The following DIP2B variants were observed in gnomAD, a reference collection of about 807,000 sequenced individuals.
DIP2B encodes the protein disco-interacting protein 2 homolog B.
DIP2B carries 76 observed loss-of-function variants against 198.0 expected under a neutral mutation model. The ratio of observed to expected loss-of-function variants is 0.38; its 90% CI spans 0.32 to 0.46. DIP2B has a LOEUF of 0.46. Ranked by LOEUF, DIP2B falls within the 20% of genes least tolerant of loss-of-function variation. The pLI is 0.99. For missense variants in DIP2B, 1,559 were observed against 1,978.4 expected (o/e 0.79, Z 4.02); for synonymous variants, 701 against 739.1 (o/e 0.95, Z 0.84).
chr12:50,505,328 C>G (rs1957957475), intron 1 of DIP2B, 88 bp downstream of exon 1: 1 of 1,141,272 alleles, frequency 8.8e-7, no homozygotes, highest in Non-Finnish European at 1.2e-6. Flanking sequence ...CTCTGGCGGC[C>G]GTGCGGCGAG....
At chr12:50,626,209 G>A (rs1455817438) in intron 2 of DIP2B, among the ~76,000 whole-genome samples, 162 bp downstream of exon 2, 1 of 152,210 alleles carries the variant, frequency 6.6e-6, no homozygotes, top group Non-Finnish European at 1.5e-5. Flanking sequence ...ATCTTAATGA[G>A]CATCTGCTGT....
At chr12:50,723,093 C>T (rs1341851455) in intron 26 of DIP2B, 109 bp from the exon 27 acceptor site, 1 of 1,384,856 alleles carries the variant, frequency 7.2e-7, no homozygotes, top group South Asian at 1.4e-5. Context: ...TTATGGTCTA[C>T]AGAACCTGTC....
At chr12:50,669,797 T>G (rs933119247) in intron 4 of DIP2B, among the ~76,000 whole-genome samples, 1 of 152,206 alleles carries the variant, frequency 6.6e-6, no homozygotes, top group African/African-American at 2.4e-5. Context: ...CTTTTGTGGT[T>G]CAGGTTCCCA....
At chr12:50,663,909 G>A (rs1938701451) in intron 4 of DIP2B, among the ~76,000 whole-genome samples, 1 of 138,968 alleles carries the variant, frequency 7.2e-6, no homozygotes, top group Non-Finnish European at 1.6e-5. Context: ...ACAAAAAGTT[G>A]TACCACTCTT....
intron 1 of DIP2B, among the ~76,000 whole-genome samples, chr12:50,522,049 G>C (rs1202116876): frequency 6.6e-6 from 1 of 151,490 alleles, no homozygotes; most frequent in East Asian, 1.9e-4. Context: ...CACCCAGACT[G>C]GAGTGCAGTG....
At chr12:50,712,965 A>T (rs141203552) in intron 22 of DIP2B, among the ~76,000 whole-genome samples, 2 of 152,198 alleles carry the variant, frequency 1.3e-5, no homozygotes, top group African/African-American at 4.8e-5. Context: ...TCAAGTATTA[A>T]ATTTTAATAG....
intron 17 of DIP2B, 26 bp downstream of exon 17, chr12:50,697,201 T>C (rs978000774): frequency 3.8e-6 from 6 of 1,594,050 alleles, no homozygotes; most frequent in Non-Finnish European, 5.2e-6. Context: ...TCAGATGCTC[T>C]TGATGTATGT....
chr12:50,561,281 G>A (rs916776036), intron 1 of DIP2B, among the ~76,000 whole-genome samples: 1 of 152,170 alleles, frequency 6.6e-6, no homozygotes, highest in African/African-American at 2.4e-5. Flanking sequence ...AAAGCTGAGT[G>A]TATTTATATA....
At chr12:50,578,719 AG>A (rs1958686948) in intron 1 of DIP2B, among the ~76,000 whole-genome samples, 1 of 151,516 alleles carries the variant, frequency 6.6e-6, no homozygotes, top group African/African-American at 2.4e-5. Flanking sequence ...CGTGTTAGCC[AG>A]GATGGTCTCG....
At chr12:50,692,781 G>A (rs1379403423) in intron 13 of DIP2B, among the ~76,000 whole-genome samples, 168 bp from the exon 14 acceptor site, 1 of 152,124 alleles carries the variant, frequency 6.6e-6, no homozygotes, top group Non-Finnish European at 1.5e-5. Flanking sequence ...AGGTTGCAGT[G>A]AGCCGAGATT....
chr12:50,553,575 A>C (rs1472188407), intron 1 of DIP2B, among the ~76,000 whole-genome samples: 1 of 152,212 alleles, frequency 6.6e-6, no homozygotes, highest in African/African-American at 2.4e-5. Context: ...CTAAACAGGA[A>C]TGTGATTCTG....
At chr12:50,608,271 G>T (rs1185346093) in intron 1 of DIP2B, among the ~76,000 whole-genome samples, 2 of 152,110 alleles carry the variant, frequency 1.3e-5, no homozygotes, top group South Asian at 4.1e-4. Flanking sequence ...AAACAAAAAT[G>T]CAATTTAGAA....
intron 36 of DIP2B, among the ~76,000 whole-genome samples, chr12:50,740,537 A>G (rs1320985678): frequency 6.6e-6 from 1 of 152,186 alleles, no homozygotes; most frequent in East Asian, 1.9e-4. Flanking sequence ...ATTCACTGCT[A>G]TGTTTCTCTT....
intron 1 of DIP2B, among the ~76,000 whole-genome samples, chr12:50,566,971 CAAAAAAAAAAAAA>C (rs34854416): frequency 1.3e-5 from 1 of 78,472 alleles, no homozygotes; most frequent in Non-Finnish European, 2.3e-5. Flanking sequence ...GACTCCGTCT[CAAAAAAAAAAAAA>C]AAAAAAAAGA....
chr12:50,634,830 A>G (rs996655996), intron 2 of DIP2B, among the ~76,000 whole-genome samples: 2 of 152,208 alleles, frequency 1.3e-5, no homozygotes, highest in Non-Finnish European at 2.9e-5. Context: ...ATGTTTGCAC[A>G]ACTAAAAAGA....
chr12:50,654,645 C>T (rs1465261569), intron 3 of DIP2B, among the ~76,000 whole-genome samples: 4 of 152,098 alleles, frequency 2.6e-5, no homozygotes, highest in Non-Finnish European at 5.9e-5. Context: ...AGTCATCACA[C>T]CTGGCCCGAA....
At chr12:50,741,383 C>A in intron 36 of DIP2B, 33 bp from the exon 37 acceptor site, 1 of 1,607,030 alleles carries the variant, frequency 6.2e-7, no homozygotes, top group South Asian at 1.1e-5. Flanking sequence ...AGTATATGTC[C>A]AAGCCACATT....
intron 2 of DIP2B, among the ~76,000 whole-genome samples, chr12:50,626,590 C>G (rs893907867): frequency 6.6e-6 from 1 of 152,194 alleles, no homozygotes; most frequent in African/African-American, 2.4e-5. Flanking sequence ...ACCTTTGCCT[C>G]TAAGCAAGGC....
chr12:50,724,338 A>C (rs1318926746), intron 27 of DIP2B, among the ~76,000 whole-genome samples: 1 of 152,202 alleles, frequency 6.6e-6, no homozygotes, highest in African/African-American at 2.4e-5. Flanking sequence ...AGGGTTCCTT[A>C]GGTTCAGTGT....
Sources: gnomAD v4.1 joint callset for allele counts (sites outside exome capture counted in the v4.1 genomes callset) on GRCh38, gnomAD v4.1.1 for gene constraint, MANE v1.5 for transcripts, NCBI Gene and HGNC (gene_info 2026-07-23, HGNC 2026-07-21) for gene names.